Variants in SBNO2 observed in about 807,000 individuals in gnomAD.
SBNO2 encodes protein strawberry notch homolog 2.
A neutral mutation model predicts 146.3 loss-of-function variants in SBNO2; 89 were observed. The ratio of observed to expected loss-of-function variants is 0.61; its 90% confidence interval spans 0.51 to 0.73. The LOEUF (loss-of-function observed/expected upper bound fraction) is 0.73, where lower values mean the gene tolerates loss of function less well. Ranked by LOEUF, SBNO2 falls within the 30% of genes least tolerant of loss-of-function variation. The pLI is 0.00. For missense variants in SBNO2, 2,092 were observed against 2,003.7 expected (o/e 1.04, Z -0.84); for synonymous variants, 1,147 against 892.6 (o/e 1.29, Z -5.08).
chr19:1,154,031 C>T (rs760040602), intron 2 of SBNO2, among the ~76,000 whole-genome samples, 153 bp downstream of exon 2: 17 of 152,168 alleles, frequency 1.1e-4, no homozygotes, highest in East Asian at 3.9e-4. Flanking sequence ...CCCACGGGGG[C>T]GGGTGGAGCC....
rs764565332 is a variant in SBNO2 at position 1,122,400 on chromosome 19, T to G, written c.1005+68A>C. ...TGCCCTGGCTGCTGGCCCACCCAGC[T>G]GAGCAGCCCCCACTTTGCAGGGCAC... On this transcript the variant is annotated intron_variant, in intron 10 of 31. Transcript: ENST00000361757. 20 of 1,524,026 alleles carry G rather than the reference T, an allele frequency of 1.3e-5. No individual in the cohort carries two copies. The Admixed American group carries it at 4.1e-4, about 31-fold the overall frequency. 94.4% of individuals were successfully genotyped at this position (1,524,026 alleles called of 1,614,324 possible). A position where few individuals can be genotyped will look rare whatever the true frequency, so the allele number is the denominator to read the frequency against.
chr19:1,115,960 G>T, intron 17 of SBNO2, 61 bp downstream of exon 17: 1 of 1,054,878 alleles, frequency 9.5e-7, no homozygotes. Flanking sequence ...CGACCAGCCA[G>T]CCCCCGGGGG....
In SBNO2 at chr19:1,108,423, GGTCGGCCTGGGC is replaced by G; in HGVS notation, c.3886_3897del (p.Ala1296_Asp1299del). On this transcript the variant is annotated inframe_deletion, in exon 32 of 32. Coordinates refer to ENST00000361757, the MANE Select transcript of SBNO2 (RefSeq NM_014963.3). ...CAGCCCTGGTGCGCGAGGGCCGCAG[GGTCGGCCTGGGC>G]GTCGGGGGTGCCCAGCGGCACGACG... The G allele has an allele frequency of 7.9e-7, 1 of 1,263,480 alleles. No individual in the cohort carries two copies. The highest frequency in any genetic ancestry group is 1.0e-6 in the Non-Finnish European group (1 of 999,314). The allele number at this position is 1,263,480 out of a possible 1,614,324, so 78.3% of individuals were successfully genotyped here.
In SBNO2 at chr19:1,157,590, C is replaced by T. The variant is rs199972146; in HGVS notation, c.-126-3188G>A. Reference sequence around the variant, plus strand: ...GGGGGTTGGGGGGGCGGGGGTCACACGGTTCCCACCTTGGGAGGGGGCCCG... The same window carrying T: ...GGGGGTTGGGGGGGCGGGGGTCACATGGTTCCCACCTTGGGAGGGGGCCCG... On this transcript the variant is annotated intron_variant, in intron 1 of 31. Coordinates refer to ENST00000361757, the MANE Select transcript of SBNO2 (RefSeq NM_014963.3). The surrounding 1 kb of genome is among the most constrained non-coding windows in gnomAD (Gnocchi z 6.8). Among the ~76,000 whole-genome samples the T allele has an allele frequency of 2.0e-5, 3 of 152,168 alleles. No homozygotes were observed. The highest frequency in any genetic ancestry group is 2.1e-4 in the South Asian group (1 of 4,826).
Position 1,108,371 on chromosome 19 carries a change from TC to T in SBNO2, c.3949del (p.Glu1317ArgfsTer36). ...CGCGTGCAGCGAGCGCAGCATGTCC[TC>T]CAGCACCTCCTTGAAGTTGATGTCG... ...GCDINFKEVL[E>X]DMLRSLHAGP... On this transcript the variant is annotated frameshift_variant, in exon 32 of 32. Transcript: ENST00000361757. LOFTEE classifies it low-confidence loss of function (END_TRUNC). 7.7e-7 allele frequency: 1 copy of T among 1,290,714 alleles called. No individual in the cohort carries two copies. Among genetic ancestry groups the T allele is most frequent in the Non-Finnish European group, 9.9e-7 (1 of 1,013,388 alleles). The allele number at this position is 1,290,714 out of a possible 1,614,324, so 80.0% of individuals were successfully genotyped here.
rs377549868 is a variant in SBNO2, at chr19:1,116,935, C to T, written c.1705-9G>A. ...AGCCCGATGACCACGCACTGTGGGA[C>T]GGCAGAGGACTGTGAGCCACCAGCC... is the stretch of plus-strand genomic sequence containing the variant. On this transcript the variant is annotated splice_polypyrimidine_tract_variant and intron_variant, in intron 15 of 31. Transcript: ENST00000361757. 119 of 1,546,838 alleles carry T rather than the reference C, an allele frequency of 7.7e-5. No individual in the cohort carries two copies. Among genetic ancestry groups the T allele is most frequent in the Non-Finnish European group, 1.0e-4 (118 of 1,151,854 alleles).
intron 1 of SBNO2, among the ~76,000 whole-genome samples, chr19:1,160,888 G>C (rs982862144): frequency 6.6e-6 from 1 of 151,754 alleles, no homozygotes; most frequent in South Asian, 2.1e-4. Flanking sequence ...ACTGTGGCCA[G>C]GGAAACCTGT....
intron 3 of SBNO2, among the ~76,000 whole-genome samples, 168 bp from the exon 4 acceptor site, chr19:1,147,588 G>C (rs948613262): frequency 6.6e-6 from 1 of 152,024 alleles, no homozygotes; most frequent in Non-Finnish European, 1.5e-5. Context: ...GGGCCTCCAG[G>C]GGGGTGGTGG....
intron 1 of SBNO2, among the ~76,000 whole-genome samples, chr19:1,167,287 G>T (rs973017221): frequency 6.6e-6 from 1 of 152,260 alleles, no homozygotes; most frequent in African/African-American, 2.4e-5. Context: ...TCCCTCAAAC[G>T]TAGCTGCTGA....
chr19:1,127,720 A>G lies in SBNO2; in HGVS notation c.325T>C (p.Ser109Pro), dbSNP rs760646980. The change falls in exon 5 of 32, where the codon TCG (serine) becomes CCG (proline). Residue 109 changes from serine (S) to proline (P), a missense_variant. Physicochemically the swap from Ser to Pro is moderately conservative, Grantham distance 74. Transcript: ENST00000361757. ...EDFSNISIFS[S>P]SVDSLSDIVD... ...ATGTCCGACAGGGAGTCCACGGACGAGGAGAAGATGGAGATGTTGGAGAAG... is the reference window on the plus strand; with the variant it reads ...ATGTCCGACAGGGAGTCCACGGACGGGGAGAAGATGGAGATGTTGGAGAAG... 11 of 1,613,642 alleles carry G rather than the reference A, an allele frequency of 6.8e-6. 1 individual carries two copies. The South Asian group carries it at 1.2e-4, about 18-fold the overall frequency.
intron 4 of SBNO2, among the ~76,000 whole-genome samples, chr19:1,141,240 A>T (rs1041158595): frequency 2.0e-5 from 3 of 151,436 alleles, no homozygotes; most frequent in African/African-American, 7.3e-5. Flanking sequence ...TTTTAGACAG[A>T]GTCTTGCTCT....
intron 1 of SBNO2, among the ~76,000 whole-genome samples, chr19:1,165,331 C>G (rs141311350): frequency 9.8e-5 from 15 of 152,286 alleles, no homozygotes; most frequent in African/African-American, 3.6e-4. Context: ...CATCCCAAGC[C>G]AACCCCGAAA....
At chr19:1,119,245 G>C in intron 13 of SBNO2, 81 bp from the exon 14 acceptor site, 3 of 1,485,014 alleles carry the variant, frequency 2.0e-6, no homozygotes, top group Non-Finnish European at 2.7e-6. Flanking sequence ...AGAGCCAGTC[G>C]CAGAGAGGGC....
rs909218026 is a variant in SBNO2, at chr19:1,122,753, G to T, written c.819C>A (p.Gly273=). 2 of 1,537,468 alleles carry T rather than the reference G, an allele frequency of 1.3e-6. No homozygotes were observed. Among genetic ancestry groups the T allele is most frequent in the Non-Finnish European group, 8.7e-7 (1 of 1,146,532 alleles). Residue 273 remains glycine, a synonymous_variant, in exon 9 of 32, where the codon GGC becomes GGA. Coordinates refer to ENST00000361757, the MANE Select transcript of SBNO2 (RefSeq NM_014963.3). The part of the protein sequence containing the change: ...EVLLPSGQRA[G]FLIGDGAGVG... Reference sequence around the variant, plus strand: ...CGCCGGCCCCATCGCCGATGAGAAAGCCCGCGCGCTGCCCGCTGGGGAGCA... The same window carrying T: ...CGCCGGCCCCATCGCCGATGAGAAATCCCGCGCGCTGCCCGCTGGGGAGCA...
chr19:1,119,531 T>C lies in SBNO2; in HGVS notation c.1358A>G (p.His453Arg). The change falls in exon 13 of 32, where the codon CAC (histidine) becomes CGC (arginine). Residue 453 changes from histidine (H) to arginine (R), a missense_variant. Physicochemically the swap from His to Arg is conservative, Grantham distance 29. Coordinates refer to ENST00000361757, the MANE Select transcript of SBNO2 (RefSeq NM_014963.3). The part of the protein sequence containing the change: ...TPFRNFEEFL[H>R]AIEKRGVGAM... ...GGGCACTCACCTCTTCTCGATGGCG[T>C]GCAGGAACTCCTCAAAGTTCCGGAA... 6.2e-7 allele frequency: 1 copy of C among 1,604,736 alleles called. No homozygotes were observed. Among genetic ancestry groups the C allele is most frequent in the Non-Finnish European group, 8.5e-7 (1 of 1,175,322 alleles).
chr19:1,160,962 G>A (rs2080337553), intron 1 of SBNO2, among the ~76,000 whole-genome samples: 1 of 150,660 alleles, frequency 6.6e-6, no homozygotes, highest in African/African-American at 2.4e-5. Context: ...GGGTGGGCAG[G>A]GCCCGAGGAC....
Position 1,144,623 on chromosome 19 carries a change from CAG to C in SBNO2, c.279+2684_279+2685del, listed in dbSNP as rs2080169428. 6.7e-6 allele frequency among the ~76,000 whole-genome samples: 1 copy of C among 149,548 alleles called. No individual in the cohort carries two copies. Among genetic ancestry groups the C allele is most frequent in the African/African-American group, 2.5e-5 (1 of 40,336 alleles). ...ATAGAGACAGAGGCAGAGAGGGAAACAGACGAAGACAGAGAGGGCGACAGAGA... is the reference window on the plus strand; with the variant it reads ...ATAGAGACAGAGGCAGAGAGGGAAACACGAAGACAGAGAGGGCGACAGAGA... On this transcript the variant is annotated intron_variant, in intron 4 of 31. Transcript: ENST00000361757. This position sits in a 1 kb window ranked among gnomAD's most constrained non-coding sequence, Gnocchi z 4.1.
At position 1,122,945 on chromosome 19, in the gene SBNO2, G is replaced by A; in HGVS notation, c.729C>T (p.Asp243=). The change falls in exon 8 of 32, where the codon GAC becomes GAT. Residue 243 remains aspartate, a synonymous_variant. Transcript: ENST00000361757. ...DITYTLALPS[D]SGALSALQLE... ...GCTGCAGGGCAGACAGGGCCCCGCT[G>A]TCCGAGGGCAGGGCCAGGGTGTAGG... is the stretch of plus-strand genomic sequence containing the variant. 1.3e-6 allele frequency: 2 copies of A among 1,562,354 alleles called. No individual in the cohort carries two copies. Among genetic ancestry groups the A allele is most frequent in the Non-Finnish European group, 1.7e-6 (2 of 1,153,992 alleles).
Position 1,160,268 on chromosome 19 carries a change from G to A in SBNO2, c.-126-5866C>T, listed in dbSNP as rs542781687. 5.5e-3 allele frequency among the ~76,000 whole-genome samples: 833 copies of A among 152,252 alleles called. 9 individuals are homozygous for A. The highest frequency in any genetic ancestry group is 0.019 in the African/African-American group (774 of 41,540). ...GGCTGGGGCCCAGCAAGCCGCTCAC[G>A]GTCCCCAGGCCCTCATGGGCAGCCC... is the stretch of plus-strand genomic sequence containing the variant. On this transcript the variant is annotated intron_variant, in intron 1 of 31. Transcript: ENST00000361757.
Sources: gnomAD v4.1 joint callset for allele counts (sites outside exome capture counted in the v4.1 genomes callset) on GRCh38, gnomAD v4.1.1 for gene constraint, Gnocchi (gnomAD v3.1) non-coding constraint, MANE v1.5 for transcripts, NCBI Gene and HGNC (gene_info 2026-07-23, HGNC 2026-07-21) for gene names.